The following RAD51B variants were observed in gnomAD, a reference collection of about 807,000 sequenced individuals.
The protein encoded by RAD51B is RAD51 paralog B, also known as DNA repair protein RAD51 homolog 2.
A neutral mutation model predicts 42.2 loss-of-function variants in RAD51B; 38 were observed. The observed-to-expected ratio is 0.90, with a 90% CI of 0.70 to 1.18. The LOEUF (loss-of-function observed/expected upper bound fraction) is 1.18. RAD51B is among the 50% of genes most tolerant of loss of function. The pLI is 0.00. For synonymous variants in RAD51B, 154 were observed against 145.2 expected (o/e 1.06, Z -0.43); for missense variants, 373 against 400.7 (o/e 0.93, Z 0.59).
chr14:68,224,773 C>A (rs931961062), intron 7 of RAD51B, among the ~76,000 whole-genome samples: 2 of 152,028 alleles, frequency 1.3e-5, no homozygotes, highest in Non-Finnish European at 2.9e-5. Flanking sequence ...TGGCTCACTG[C>A]AACCTCTACC....
At chr14:68,406,978 C>T (rs2084292919) in intron 8 of RAD51B, among the ~76,000 whole-genome samples, 1 of 152,106 alleles carries the variant, frequency 6.6e-6, no homozygotes, top group Non-Finnish European at 1.5e-5. Flanking sequence ...TCTTCAGGGG[C>T]AATAACACGC....
intron 8 of RAD51B, among the ~76,000 whole-genome samples, chr14:68,350,489 ACAGT>A (rs1032908441): frequency 1.3e-5 from 2 of 152,250 alleles, no homozygotes; most frequent in African/African-American, 4.8e-5. Context: ...GCAAAGGCTG[ACAGT>A]CAGAAAATTG....
chr14:68,477,739 A>G lies in RAD51B; in HGVS notation c.*75A>G. On this transcript the variant is annotated 3_prime_UTR_variant, in exon 11 of 11. Coordinates refer to ENST00000471583, the MANE Select transcript of RAD51B (RefSeq NM_133510.4). Reference sequence around the variant, plus strand: ...AAAACAGGACCGTACTGCTTGGAAGAAGGAAACGGAAGCTGACATAATGGG... The same window carrying G: ...AAAACAGGACCGTACTGCTTGGAAGGAGGAAACGGAAGCTGACATAATGGG... 1 of 1,580,248 alleles carries G rather than the reference A, an allele frequency of 6.3e-7. No homozygotes were observed. The highest frequency in any genetic ancestry group is 8.5e-7 in the Non-Finnish European group (1 of 1,170,460).
chr14:68,284,247 C>A (rs923235550), intron 7 of RAD51B, among the ~76,000 whole-genome samples: 1 of 152,250 alleles, frequency 6.6e-6, no homozygotes, highest in Non-Finnish European at 1.5e-5. Context: ...GCTCCTTCAT[C>A]CCCTTTTCCT....
At chr14:68,541,117 G>A (rs186889559) in intron 10 of RAD51B, 145 of 985,438 alleles carry the variant, frequency 1.5e-4, no homozygotes, top group Non-Finnish European at 1.6e-4. Context: ...GTTTCCAGAT[G>A]TGTAGGTTTA....
At chr14:67,995,243 G>A (rs993773433) in intron 7 of RAD51B, among the ~76,000 whole-genome samples, 6 of 151,852 alleles carry the variant, frequency 4.0e-5, no homozygotes, top group African/African-American at 1.5e-4. Context: ...AAAATTAGCT[G>A]GGCGTGGTTG....
At chr14:67,873,904 CA>C (rs377222848) in intron 5 of RAD51B, among the ~76,000 whole-genome samples, 16,693 of 138,132 alleles carry the variant, frequency 0.12, 1,330 homozygotes, top group Middle Eastern at 0.28. Flanking sequence ...CACATGGACA[CA>C]GGAAGGGGAA....
chr14:68,058,775 A>G (rs529554512), intron 7 of RAD51B, among the ~76,000 whole-genome samples: 40 of 152,272 alleles, frequency 2.6e-4, no homozygotes, highest in Middle Eastern at 3.4e-3. Flanking sequence ...ATTCTGAAAA[A>G]CGTAATTTCT....
chr14:68,365,823 C>A (rs940014608), intron 8 of RAD51B, among the ~76,000 whole-genome samples: 2 of 152,086 alleles, frequency 1.3e-5, no homozygotes, highest in African/African-American at 4.8e-5. Flanking sequence ...TTATGTCTTT[C>A]ACATATCAGA....
intron 8 of RAD51B, among the ~76,000 whole-genome samples, chr14:68,398,232 G>A (rs370886137): frequency 2.6e-5 from 4 of 152,252 alleles, no homozygotes; most frequent in Non-Finnish European, 5.9e-5. Context: ...CCTATGAAAC[G>A]GGAATAAGGA....
chr14:68,287,915 G>C (rs1418874406), intron 7 of RAD51B, among the ~76,000 whole-genome samples: 1 of 152,146 alleles, frequency 6.6e-6, no homozygotes. Context: ...TACCCAGAGA[G>C]ACTATGAAGC....
At chr14:68,486,658 C>G (rs1883648003) in intron 10 of RAD51B, among the ~76,000 whole-genome samples, 1 of 152,218 alleles carries the variant, frequency 6.6e-6, no homozygotes, top group Non-Finnish European at 1.5e-5. Context: ...TATTCTGACC[C>G]TCACTGTTTA....
intron 7 of RAD51B, among the ~76,000 whole-genome samples, chr14:68,030,255 C>T (rs772565864): frequency 5.9e-5 from 9 of 152,222 alleles, no homozygotes; most frequent in Non-Finnish European, 1.3e-4. Context: ...CAGGCACTGA[C>T]TTTTCCTCTC....
intron 7 of RAD51B, among the ~76,000 whole-genome samples, chr14:68,052,518 C>T (rs1170694247): frequency 6.6e-6 from 1 of 152,072 alleles, no homozygotes; most frequent in Admixed American, 6.6e-5. Context: ...TTTCCTTACT[C>T]CAAAGTTTAC....
At position 68,320,207 on chromosome 14, in the gene RAD51B, C is replaced by T. The variant is rs1053023582; in HGVS notation, c.853+28227C>T. ...TAGAGTACTTTCGGTCTGAAACTGG[C>T]CTTAAAGAATCTTTGTCCGTGTGTA... On this transcript the variant is annotated intron_variant, in intron 8 of 10. Coordinates refer to ENST00000471583, the MANE Select transcript of RAD51B (RefSeq NM_133510.4). 1.3e-5 allele frequency among the ~76,000 whole-genome samples: 2 copies of T among 152,266 alleles called. 1 individual carries two copies. The highest frequency in any genetic ancestry group is 3.9e-4 in the East Asian group (2 of 5,190).
chr14:68,470,726 G>A (rs2086102686), intron 10 of RAD51B: 5 of 435,344 alleles, frequency 1.1e-5, no homozygotes, highest in South Asian at 1.1e-4. Flanking sequence ...GTGATTGTGT[G>A]TTTGTGAATG....
chr14:68,546,253 C>T (rs549809488), intron 10 of RAD51B, among the ~76,000 whole-genome samples: 4 of 152,088 alleles, frequency 2.6e-5, no homozygotes, highest in Admixed American at 2.0e-4. Flanking sequence ...GAGCCTAATC[C>T]GGGGCTATGG....
intron 9 of RAD51B, among the ~76,000 whole-genome samples, chr14:68,420,631 G>A (rs971661270): frequency 2.6e-5 from 4 of 152,170 alleles, no homozygotes; most frequent in African/African-American, 9.7e-5. Flanking sequence ...ATTATAATTA[G>A]CGTATAATGA....
intron 10 of RAD51B, among the ~76,000 whole-genome samples, chr14:68,496,090 CAG>C (rs1160416504): frequency 2.0e-5 from 3 of 152,214 alleles, no homozygotes; most frequent in Non-Finnish European, 2.9e-5. Context: ...CATTGACAAA[CAG>C]TGTGTCAAAC....
Sources: gnomAD v4.1 joint callset for allele counts (sites outside exome capture counted in the v4.1 genomes callset) on GRCh38, gnomAD v4.1.1 for gene constraint, MANE v1.5 for transcripts, NCBI Gene and HGNC (gene_info 2026-07-23, HGNC 2026-07-21) for gene names.